The following PLEKHD1 variants were observed in gnomAD, a reference collection of about 807,000 sequenced individuals.
PLEKHD1 encodes pleckstrin homology domain-containing family D member 1.
A neutral mutation model predicts 69.2 loss-of-function variants in PLEKHD1; 51 were observed. That is an observed-to-expected ratio of 0.74 (90% confidence interval 0.59 to 0.93). The LOEUF (loss-of-function observed/expected upper bound fraction) is 0.93. PLEKHD1 is among the 40% of genes least tolerant of loss of function. PLEKHD1 has a pLI of 0.00. For synonymous variants in PLEKHD1, 236 were observed against 244.7 expected (o/e 0.96, Z 0.33); for missense variants, 584 against 641.0 (o/e 0.91, Z 0.96).
chr14:69,495,413 C>A (rs1882866812), intron 1 of PLEKHD1, among the ~76,000 whole-genome samples: 1 of 152,182 alleles, frequency 6.6e-6, no homozygotes. Flanking sequence ...GTCTCTCTTA[C>A]TCAGAGAAAA....
At chr14:69,469,263 A>G in the PLEKHD1 span, among the ~76,000 whole-genome samples, 1 of 152,218 alleles carries the variant, frequency 6.6e-6, no homozygotes, top group South Asian at 2.1e-4. Context: ...AGAAAAGATC[A>G]TTATTTTTGG....
the PLEKHD1 span, among the ~76,000 whole-genome samples, chr14:69,475,549 C>T: frequency 6.6e-6 from 1 of 152,184 alleles, no homozygotes; most frequent in Non-Finnish European, 1.5e-5. Flanking sequence ...AGAAGCCTAG[C>T]AAGAGGCTGG....
At position 69,528,414 on chromosome 14, in the gene PLEKHD1, A is replaced by G; in HGVS notation, c.1516A>G (p.Lys506Glu). The G allele has an allele frequency of 6.4e-7, 1 of 1,550,512 alleles. No homozygotes were observed. Among genetic ancestry groups the G allele is most frequent in the Non-Finnish European group, 8.7e-7 (1 of 1,146,914 alleles). The change falls in exon 13 of 13, where the codon AAG becomes GAG. Residue 506 changes from lysine (K) to glutamate (E), a missense_variant. Transcript: ENST00000322564. ...GAPSALSRGG[K>E] ...CCCCTCGGCACTCTCCCGGGGTGGA[A>G]AGTGATGGGCGCTCCTCCCCTGCTT...
chr14:69,506,691 A>G (rs958338924), intron 6 of PLEKHD1, among the ~76,000 whole-genome samples: 2 of 152,286 alleles, frequency 1.3e-5, no homozygotes, highest in Non-Finnish European at 2.9e-5. Context: ...ACAGTGATAC[A>G]TTTGTTACAA....
Position 69,525,826 on chromosome 14 carries a change from C to T in PLEKHD1, c.745-118C>T, listed in dbSNP as rs143007949. 2.2e-4 allele frequency: 205 copies of T among 934,250 alleles called. No individual in the cohort carries two copies. In the African/African-American group the frequency reaches 2.2e-3, roughly 10 times the overall value. The allele number at this position is 934,250 out of a possible 1,614,324, so 57.9% of individuals were successfully genotyped here. A position where few individuals can be genotyped will look rare whatever the true frequency, so the allele number is the denominator to read the frequency against. On this transcript the variant is annotated intron_variant, in intron 8 of 12. Coordinates refer to ENST00000322564, the MANE Select transcript of PLEKHD1 (RefSeq NM_001161498.2). ...CTGGAGAAGAATGAAGACATTTCAG[C>T]GGCCATAGAGGACTGAGAGAGGAGT... is the stretch of plus-strand genomic sequence containing the variant.
At chr14:69,474,472 A>G in the PLEKHD1 span, among the ~76,000 whole-genome samples, 2 of 152,170 alleles carry the variant, frequency 1.3e-5, no homozygotes, top group Non-Finnish European at 1.5e-5. Flanking sequence ...AAATCAGAAA[A>G]TCTTTGTGAA....
At chr14:69,485,198 C>T (rs1243685008) in intron 1 of PLEKHD1, 84 bp downstream of exon 1, 2 of 1,422,818 alleles carry the variant, frequency 1.4e-6, no homozygotes, top group African/African-American at 2.8e-5. Flanking sequence ...CAGTCGCCGT[C>T]GTGCCTCTGC....
chr14:69,494,308 A>G (rs955224912), intron 1 of PLEKHD1, among the ~76,000 whole-genome samples: 2 of 152,134 alleles, frequency 1.3e-5, no homozygotes, highest in African/African-American at 4.8e-5. Context: ...ATTGCCAGTC[A>G]GTGGCAGAGC....
chr14:69,504,905 A>C (rs1344425789), intron 6 of PLEKHD1, among the ~76,000 whole-genome samples: 1 of 152,212 alleles, frequency 6.6e-6, no homozygotes, highest in Non-Finnish European at 1.5e-5. Context: ...CTGTATTGTC[A>C]GCAAATTAAA....
rs555386829 is a variant in PLEKHD1 at position 69,501,546 on chromosome 14, G to A, written c.411-188G>A. On this transcript the variant is annotated intron_variant, in intron 4 of 12. Coordinates refer to ENST00000322564, the MANE Select transcript of PLEKHD1 (RefSeq NM_001161498.2). ...CAGCCTGGGCCAGCCTCCAGCTACTGTAACTGATCCGTGCTGGTGACATGC... is the reference window on the plus strand; with the variant it reads ...CAGCCTGGGCCAGCCTCCAGCTACTATAACTGATCCGTGCTGGTGACATGC... 20 of 503,148 alleles carry A rather than the reference G, an allele frequency of 4.0e-5. No homozygotes were observed. In the Admixed American group the frequency reaches 6.4e-4, roughly 16 times the overall value. The allele number at this position is 503,148 out of a possible 1,614,324, so 31.2% of individuals were successfully genotyped here.
intron 6 of PLEKHD1, among the ~76,000 whole-genome samples, chr14:69,508,740 T>C (rs1883207363): frequency 6.6e-6 from 1 of 152,154 alleles, no homozygotes; most frequent in African/African-American, 2.4e-5. Context: ...GCCCTCCATA[T>C]TTATTAGGCA....
At chr14:69,502,616 A>T in intron 5 of PLEKHD1, 1 of 590,240 alleles carries the variant, frequency 1.7e-6, no homozygotes, top group South Asian at 2.0e-5. Context: ...TCATAACCCT[A>T]GGAAAAGAAA....
the PLEKHD1 span, among the ~76,000 whole-genome samples, chr14:69,471,466 C>T: frequency 3.3e-5 from 5 of 152,096 alleles, no homozygotes; most frequent in African/African-American, 4.8e-5. Flanking sequence ...GGAGCTCAGG[C>T]ATTCTGGCTC....
chr14:69,493,701 A>T (rs1882825584), intron 1 of PLEKHD1, among the ~76,000 whole-genome samples: 1 of 152,172 alleles, frequency 6.6e-6, no homozygotes, highest in Non-Finnish European at 1.5e-5. Flanking sequence ...CTCCCTGGCC[A>T]CTCTCTTAGC....
At chr14:69,494,450 C>T (rs1882843849) in intron 1 of PLEKHD1, among the ~76,000 whole-genome samples, 1 of 152,106 alleles carries the variant, frequency 6.6e-6, no homozygotes, top group African/African-American at 2.4e-5. Flanking sequence ...ACCATGGGTT[C>T]CAATCCCAGT....
chr14:69,471,890 AT>A, the PLEKHD1 span, among the ~76,000 whole-genome samples: 1 of 152,210 alleles, frequency 6.6e-6, no homozygotes, highest in East Asian at 1.9e-4. Context: ...CATAGATATA[AT>A]GTTTAAAATT....
chr14:69,484,843 G>A lies in PLEKHD1; in HGVS notation c.-123G>A. On this transcript the variant is annotated 5_prime_UTR_variant, in exon 1 of 13. Transcript: ENST00000322564. ...GCTTTGATGCTGCAGCTCCGGGCCG[G>A]GCCGCTCTGCTTCTCTGCTCGCTGG... is the stretch of plus-strand genomic sequence containing the variant. 1 of 1,209,038 alleles carries A rather than the reference G, an allele frequency of 8.3e-7. No homozygotes were observed. The allele number at this position is 1,209,038 out of a possible 1,614,324, so 74.9% of individuals were successfully genotyped here.
intron 1 of PLEKHD1, among the ~76,000 whole-genome samples, chr14:69,498,894 C>A (rs145074606): frequency 3.9e-5 from 6 of 151,968 alleles, no homozygotes; most frequent in African/African-American, 1.4e-4. Context: ...GTGATCCGCC[C>A]GCCTCAGCCT....
intron 4 of PLEKHD1, 198 bp downstream of exon 4, chr14:69,501,145 T>G: frequency 1.6e-6 from 1 of 611,044 alleles, no homozygotes; most frequent in South Asian, 1.9e-5. Context: ...TTGAAAAGTG[T>G]CTAGGTCACA....
Sources: gnomAD v4.1 joint callset for allele counts (sites outside exome capture counted in the v4.1 genomes callset) on GRCh38, gnomAD v4.1.1 for gene constraint, MANE v1.5 for transcripts, NCBI Gene and HGNC (gene_info 2026-07-23, HGNC 2026-07-21) for gene names.